Variants in ETS1 observed in about 807,000 individuals in gnomAD.
ETS1 encodes ETS proto-oncogene 1, transcription factor.
A neutral mutation model predicts 58.6 loss-of-function variants in ETS1; 15 were observed. The observed-to-expected ratio is 0.26, with a 90% CI of 0.17 to 0.39. ETS1 has a LOEUF of 0.39. Ranked by LOEUF, ETS1 falls within the 10% of genes least tolerant of loss-of-function variation. The probability of loss-of-function intolerance (pLI) is 1.00; values close to 1 mark genes in which losing one functional copy is unlikely to be tolerated. For synonymous variants in ETS1, 214 were observed against 218.2 expected (o/e 0.98, Z 0.17); for missense variants, 417 against 610.5 (o/e 0.68, Z 3.34).
intron 3 of ETS1, among the ~76,000 whole-genome samples, chr11:128,515,665 T>C (rs1012972653): frequency 1.3e-5 from 2 of 152,146 alleles, no homozygotes; most frequent in Non-Finnish European, 2.9e-5. Flanking sequence ...TTATTAATAG[T>C]GCCCCTTTAC....
At chr11:128,494,075 G>A (rs374283022) in intron 3 of ETS1, among the ~76,000 whole-genome samples, 1 of 152,158 alleles carries the variant, frequency 6.6e-6, no homozygotes, top group Non-Finnish European at 1.5e-5. Flanking sequence ...GTGTCTGAAA[G>A]TTAATCACTA....
At chr11:128,484,465 T>C (rs7946776) in intron 7 of ETS1, among the ~76,000 whole-genome samples, 27,053 of 152,222 alleles carry the variant, frequency 0.18, 3,108 homozygotes, top group Middle Eastern at 0.27. Flanking sequence ...GGGTGGCCAC[T>C]TGAACCATTT....
chr11:128,476,364 C>T (rs1379769488), intron 8 of ETS1, among the ~76,000 whole-genome samples: 1 of 152,226 alleles, frequency 6.6e-6, no homozygotes, highest in Non-Finnish European at 1.5e-5. Flanking sequence ...TCAGTCTAGG[C>T]AGGCAACTGC....
At chr11:128,552,191 A>G (rs1399813284) in intron 3 of ETS1, among the ~76,000 whole-genome samples, 1 of 152,148 alleles carries the variant, frequency 6.6e-6, no homozygotes, top group Non-Finnish European at 1.5e-5. Context: ...AAGGTCACAC[A>G]GTTATAACGG....
At chr11:128,583,916 C>T (rs1345164534) in intron 1 of ETS1, among the ~76,000 whole-genome samples, 1 of 152,198 alleles carries the variant, frequency 6.6e-6, no homozygotes, top group East Asian at 1.9e-4. Context: ...ATCCTTCCCT[C>T]ACTGCTCTAG....
chr11:128,532,445 A>G (rs1222665757), intron 3 of ETS1, among the ~76,000 whole-genome samples: 15 of 152,236 alleles, frequency 9.9e-5, no homozygotes, highest in Admixed American at 9.8e-4. Context: ...GAACAGTCAT[A>G]GTCTTCTCGC....
chr11:128,507,727 T>A (rs757107362), intron 3 of ETS1, among the ~76,000 whole-genome samples: 1 of 152,070 alleles, frequency 6.6e-6, no homozygotes. Flanking sequence ...CTGTCTTGAA[T>A]CTTATTATCT....
chr11:128,559,410 A>C (rs1266879123), intron 2 of ETS1, among the ~76,000 whole-genome samples: 1 of 152,244 alleles, frequency 6.6e-6, no homozygotes, highest in Non-Finnish European at 1.5e-5. Flanking sequence ...AACCATGCAC[A>C]GAATCAGCTT....
intron 3 of ETS1, among the ~76,000 whole-genome samples, chr11:128,508,906 C>T (rs1005232617): frequency 1.3e-5 from 2 of 152,166 alleles, no homozygotes; most frequent in Non-Finnish European, 2.9e-5. Flanking sequence ...TATTTTCTTA[C>T]GAACCAAGGC....
chr11:128,581,973 C>T (rs1431200417), intron 1 of ETS1, among the ~76,000 whole-genome samples: 1 of 152,180 alleles, frequency 6.6e-6, no homozygotes, highest in African/African-American at 2.4e-5. Context: ...CAGCAAGCAA[C>T]TTCTTGGACT....
At chr11:128,505,478 G>C (rs1351139591) in intron 3 of ETS1, 1 of 152,240 alleles carries the variant, frequency 6.6e-6, no homozygotes, top group Admixed American at 6.5e-5. Context: ...AGACCCCACA[G>C]ATTTTTTTCT....
chr11:128,522,959 G>A (rs1863729461), intron 3 of ETS1, among the ~76,000 whole-genome samples: 1 of 152,222 alleles, frequency 6.6e-6, no homozygotes, highest in Non-Finnish European at 1.5e-5. Context: ...CTCCTGCGTT[G>A]GCAGGGGAGT....
chr11:128,465,263 C>A (rs977091719), intron 8 of ETS1, among the ~76,000 whole-genome samples: 3 of 152,194 alleles, frequency 2.0e-5, no homozygotes, highest in Admixed American at 6.5e-5. Flanking sequence ...GCAAGAAATA[C>A]CTTACATGTA....
At chr11:128,551,346 C>T (rs1311423846) in intron 3 of ETS1, among the ~76,000 whole-genome samples, 4 of 152,178 alleles carry the variant, frequency 2.6e-5, no homozygotes, top group Admixed American at 2.6e-4. Context: ...AAACACTGGC[C>T]CAGGTTTGAT....
At chr11:128,523,918 C>CAA (rs397745696) in intron 3 of ETS1, among the ~76,000 whole-genome samples, 16 of 142,932 alleles carry the variant, frequency 1.1e-4, no homozygotes, top group Non-Finnish European at 1.8e-4. Flanking sequence ...AAATGAACCA[C>CAA]AAAAAAAAAA....
rs1332495080 is a variant in ETS1, at chr11:128,584,975, AAAGAAAGAAAGAAAGG to A, written c.-15+2497_-15+2512del. On this transcript the variant is annotated intron_variant, in intron 1 of 9. Coordinates refer to ENST00000392668, the MANE Select transcript of ETS1 (RefSeq NM_001143820.2). ...GAAAGAAAGAAAGAAAGAAAGAAAG[AAAGAAAGAAAGAAAGG>A]AAGGAAGGAAGGAAAGAAAGGAAAG... Among the ~76,000 whole-genome samples, 18 of 27,296 alleles carry A rather than the reference AAAGAAAGAAAGAAAGG, an allele frequency of 6.6e-4. 1 individual carries two copies. Among genetic ancestry groups the A allele is most frequent in the African/African-American group, 4.1e-3 (16 of 3,868 alleles). The allele number at this position is 27,296 out of a possible 152,430, so 17.9% of individuals were successfully genotyped here.
At chr11:128,522,968 G>GTCCA (rs1863729823) in intron 3 of ETS1, among the ~76,000 whole-genome samples, 1 of 152,140 alleles carries the variant, frequency 6.6e-6, no homozygotes, top group South Asian at 2.1e-4. Flanking sequence ...TGGCAGGGGA[G>GTCCA]TCCAGAACGG....
chr11:128,543,685 A>G (rs891586599), intron 3 of ETS1, among the ~76,000 whole-genome samples: 1 of 152,210 alleles, frequency 6.6e-6, no homozygotes, highest in African/African-American at 2.4e-5. Context: ...TTCCTAAAGC[A>G]TTCCCTTAAG....
intron 2 of ETS1, among the ~76,000 whole-genome samples, chr11:128,558,333 C>CTACT (rs1323987967): frequency 1.3e-5 from 2 of 152,158 alleles, no homozygotes; most frequent in African/African-American, 4.8e-5. Flanking sequence ...CAAGAATACA[C>CTACT]TACTGAGCAT....
Sources: allele counts gnomAD v4.1 joint callset (sites outside exome capture counted in the v4.1 genomes callset), GRCh38; gene constraint gnomAD v4.1.1; transcripts MANE v1.5; gene names NCBI Gene and HGNC (gene_info 2026-07-23, HGNC 2026-07-21).